The following CCDC88A variants were observed in gnomAD, a reference collection of about 807,000 sequenced individuals.
CCDC88A encodes girdin.
In CCDC88A, 54 loss-of-function variants were observed where a neutral mutation model predicts 234.3. That is an observed-to-expected ratio of 0.23 (90% CI 0.19 to 0.29). CCDC88A has a LOEUF of 0.29. CCDC88A is among the 10% of genes least tolerant of loss of function. The pLI, the probability that CCDC88A is intolerant of heterozygous loss-of-function variation, is 1.00. For synonymous variants in CCDC88A, 753 were observed against 737.8 expected, an observed-to-expected ratio of 1.02 and a Z score of -0.33; for missense variants, 1,832 against 2,123.4, an observed-to-expected ratio of 0.86 and a Z score of 2.70.
At chr2:55,296,597 T>C in intron 29 of CCDC88A, 74 bp from the exon 30 acceptor site, 2 of 1,423,254 alleles carry the variant, frequency 1.4e-6, no homozygotes, top group South Asian at 2.6e-5. Context: ...ATAACATTTG[T>C]TGACTGTGTG....
intron 2 of CCDC88A, among the ~76,000 whole-genome samples, chr2:55,415,262 C>G (rs1056110187): frequency 4.6e-5 from 7 of 151,970 alleles, no homozygotes; most frequent in Non-Finnish European, 8.8e-5. Context: ...CCATAATGCA[C>G]TATGATCACA....
Position 55,332,662 on chromosome 2 carries a change from T to C in CCDC88A, c.2759A>G (p.Gln920Arg). 1.9e-6 allele frequency: 3 copies of C among 1,613,532 alleles called. No homozygotes were observed. The highest frequency in any genetic ancestry group is 1.1e-5 in the South Asian group (1 of 91,074). The part of the protein sequence containing the change: ...DLVSEKLKTQ[Q>R]MNNDLEKLTH... Reference sequence around the variant, plus strand: ...TAATTTTTCGAGATCATTGTTCATCTGTTGGGTCTTCAACTTTTCACTCAC... The same window carrying C: ...TAATTTTTCGAGATCATTGTTCATCCGTTGGGTCTTCAACTTTTCACTCAC... Residue 920 changes from glutamine to arginine, a missense_variant, in exon 16 of 33, where the codon CAG becomes CGG. Gln to Arg is a conservative substitution (Grantham distance 43, BLOSUM62 1). Around this residue, in one of 6 missense-constraint regions of CCDC88A, gnomAD observed 1,282 missense variants for 1,543.6 expected, o/e 0.83. Transcript: ENST00000436346. The surrounding 1 kb of genome is among the most constrained non-coding windows in gnomAD (Gnocchi z 4.5).
intron 4 of CCDC88A, among the ~76,000 whole-genome samples, chr2:55,373,072 A>G (rs1025963487): frequency 2.6e-5 from 4 of 152,246 alleles, no homozygotes; most frequent in African/African-American, 7.2e-5. Context: ...TTAACAATCT[A>G]TAACAGAAAT....
At chr2:55,295,544 A>G (rs771428508) in intron 31 of CCDC88A, 53 bp downstream of exon 31, 12 of 1,613,900 alleles carry the variant, frequency 7.4e-6, no homozygotes, top group African/African-American at 6.7e-5. Context: ...AACCTATAGT[A>G]TGTGTTGGGA....
intron 7 of CCDC88A, 100 bp downstream of exon 7, chr2:55,362,208 T>C: frequency 1.1e-6 from 1 of 910,532 alleles, no homozygotes; most frequent in Non-Finnish European, 1.6e-6. Flanking sequence ...CTGTATCACC[T>C]GTCTCTAAGA....
intron 29 of CCDC88A, among the ~76,000 whole-genome samples, chr2:55,298,598 G>A (rs1161591901): frequency 1.3e-5 from 2 of 152,076 alleles, no homozygotes; most frequent in East Asian, 3.9e-4. Flanking sequence ...GGAGTACAGA[G>A]AGTAACTATG....
At chr2:55,308,429 A>T (rs1681913220) in intron 25 of CCDC88A, 1 of 167,112 alleles carries the variant, frequency 6.0e-6, no homozygotes, top group Admixed American at 5.9e-5. Flanking sequence ...TATTATTCTG[A>T]TTAAGTTATA....
In CCDC88A at chr2:55,297,727, T is replaced by C. The variant is rs150431894; in HGVS notation, c.4826-1204A>G. On this transcript the variant is annotated intron_variant, in intron 29 of 32. Coordinates refer to ENST00000436346, the MANE Select transcript of CCDC88A (RefSeq NM_001365480.1). ...CACCTGGCTCATTAGGTGAATTTTA[T>C]ATTATTTCAGTATGTTAAGACCAAA... Among the ~76,000 whole-genome samples the C allele has an allele frequency of 2.0e-5, 3 of 152,032 alleles. No individual in the cohort carries two copies. The East Asian group carries it at 5.8e-4, about 29-fold the overall frequency.
At chr2:55,308,725 T>TC in intron 25 of CCDC88A, 84 bp downstream of exon 25, 1 of 919,376 alleles carries the variant, frequency 1.1e-6, no homozygotes, top group African/African-American at 1.7e-5. Context: ...ATCAGACTAT[T>TC]CCCCCAAAGG....
chr2:55,409,789 G>A (rs1049097839), intron 2 of CCDC88A, among the ~76,000 whole-genome samples: 1 of 133,282 alleles, frequency 7.5e-6, no homozygotes, highest in Non-Finnish European at 1.5e-5. Context: ...CACCCAAGCC[G>A]GAGTGCAGTG....
chr2:55,368,297 T>C (rs1279275321), intron 5 of CCDC88A, among the ~76,000 whole-genome samples: 1 of 152,200 alleles, frequency 6.6e-6, no homozygotes, highest in Non-Finnish European at 1.5e-5. Context: ...TAATCAAGGA[T>C]TAAAAGTCAT....
chr2:55,313,871 AT>A, intron 22 of CCDC88A: 1 of 152,340 alleles, frequency 6.6e-6, no homozygotes. Context: ...ATTTATCTGT[AT>A]GTTGTTAAAT....
intron 3 of CCDC88A, 49 bp from the exon 4 acceptor site, chr2:55,374,932 A>G (rs750760352): frequency 9.3e-7 from 1 of 1,073,892 alleles, no homozygotes; most frequent in Non-Finnish European, 1.4e-6. Flanking sequence ...CTAACTAGAT[A>G]ATTATTCATC....
Position 55,344,457 on chromosome 2 carries a change from G to C in CCDC88A, c.1099C>G (p.Leu367Val). The part of the protein sequence containing the change: ...LETKTMLEDQ[L>V]EGTRARSDKL... ...TCAGAACGAGCACGAGTTCCCTCTA[G>C]TTGGTCTTCCAACATGGTTTTTGTT... Residue 367 changes from leucine (L) to valine (V), a missense_variant, in exon 11 of 33, where the codon CTA becomes GTA. Coordinates refer to ENST00000436346, the MANE Select transcript of CCDC88A (RefSeq NM_001365480.1). 3.2e-6 allele frequency: 5 copies of C among 1,583,092 alleles called. No homozygotes were observed. The highest frequency in any genetic ancestry group is 4.3e-6 in the Non-Finnish European group (5 of 1,159,624).
chr2:55,299,800 A>G (rs772364795), intron 29 of CCDC88A, 39 bp downstream of exon 29: 1 of 1,330,754 alleles, frequency 7.5e-7, no homozygotes, highest in Non-Finnish European at 1.1e-6. Flanking sequence ...AAATACTGGA[A>G]ATGGATAGAG....
chr2:55,377,691 C>A (rs1383952249), intron 3 of CCDC88A, among the ~76,000 whole-genome samples: 2 of 152,020 alleles, frequency 1.3e-5, no homozygotes, highest in African/African-American at 4.8e-5. Context: ...TTCAATGCAA[C>A]CTCCGCCTCC....
At position 55,328,363 on chromosome 2, in the gene CCDC88A, A is replaced by C; in HGVS notation, c.2928T>G (p.Ile976Met). The change falls in exon 17 of 33, where the codon ATT (isoleucine) becomes ATG (methionine). Residue 976 changes from isoleucine (I) to methionine (M), a missense_variant. Physicochemically the swap from Ile to Met is conservative, Grantham distance 10 (BLOSUM62 1). Transcript: ENST00000436346. This position sits in a 1 kb window ranked among gnomAD's most constrained non-coding sequence, Gnocchi z 4.3. The stretch of plus-strand genomic sequence containing the variant: ...CTTCTAATCGAGCTTCTAAAGCAGC[A>C]ATTTTTTCTTCTTTTATTTCAAGAG... ...KKSLEIKEEK[I>M]AALEARLEES... is the part of the protein sequence containing the mutation. 6.2e-7 allele frequency: 1 copy of C among 1,601,214 alleles called. No homozygotes were observed. The highest frequency in any genetic ancestry group is 8.5e-7 in the Non-Finnish European group (1 of 1,174,256).
intron 8 of CCDC88A, among the ~76,000 whole-genome samples, chr2:55,354,291 T>C (rs771409415): frequency 8.6e-5 from 13 of 151,284 alleles, no homozygotes; most frequent in Non-Finnish European, 1.8e-4. Flanking sequence ...CCACCACGCC[T>C]GGCTAATTTT....
chr2:55,361,362 C>T (rs1210226340), intron 7 of CCDC88A, among the ~76,000 whole-genome samples: 1 of 152,108 alleles, frequency 6.6e-6, no homozygotes, highest in Non-Finnish European at 1.5e-5. Context: ...TTCTTTCCTT[C>T]CTTTGGTCTC....
Sources: gnomAD v4.1 joint callset for allele counts (sites outside exome capture counted in the v4.1 genomes callset) on GRCh38, gnomAD v4.1.1 for gene constraint, gnomAD v4.1.1 regional missense constraint, Gnocchi (gnomAD v3.1) non-coding constraint, MANE v1.5 for transcripts, NCBI Gene and HGNC (gene_info 2026-07-23, HGNC 2026-07-21) for gene names.